Variants in SECISBP2L observed in about 807,000 individuals in gnomAD.
The protein encoded by SECISBP2L is selenocysteine insertion sequence-binding protein 2-like.
Under a neutral mutation model 114.7 loss-of-function variants are expected in SECISBP2L, and 43 were observed. The ratio of observed to expected loss-of-function variants is 0.38; its 90% confidence interval spans 0.29 to 0.48. The LOEUF is 0.48. SECISBP2L is among the 20% of genes least tolerant of loss of function. The pLI, the probability that SECISBP2L is intolerant of heterozygous loss-of-function variation, is 0.98. For missense variants in SECISBP2L, 1,136 were observed against 1,301.1 expected (o/e 0.87, Z 1.95); for synonymous variants, 451 against 439.7 (o/e 1.03, Z -0.32).
At chr15:49,042,620 C>T (rs1054877405) in intron 1 of SECISBP2L, 1 of 152,298 alleles carries the variant, frequency 6.6e-6, no homozygotes, top group Non-Finnish European at 1.5e-5. Context: ...GCTGGGACTA[C>T]AGGTGTACAC....
intron 6 of SECISBP2L, 27 bp downstream of exon 6, chr15:49,028,117 C>T: frequency 6.4e-7 from 1 of 1,565,008 alleles, no homozygotes; most frequent in Admixed American, 2.0e-5. Flanking sequence ...GAAAGTATAG[C>T]AAAAACACAA....
rs149731972 is a variant in SECISBP2L, at chr15:49,006,479, C to T, written c.2027+2737G>A. Among the ~76,000 whole-genome samples, 1,327 of 152,168 alleles carry T rather than the reference C, an allele frequency of 8.7e-3. 16 individuals are homozygous for T. The highest frequency in any genetic ancestry group is 0.017 in the Middle Eastern group (5 of 294). ...TATTTTTTCTCTAACCTTGTCTTCACGATTTATTTCATTAATTTGATCTTC... is the reference window on the plus strand; with the variant it reads ...TATTTTTTCTCTAACCTTGTCTTCATGATTTATTTCATTAATTTGATCTTC... On this transcript the variant is annotated intron_variant, in intron 14 of 17. Transcript: ENST00000559471.
chr15:49,013,318 G>A (rs1482775238), intron 11 of SECISBP2L, among the ~76,000 whole-genome samples: 2 of 143,984 alleles, frequency 1.4e-5, no homozygotes, highest in Non-Finnish European at 1.5e-5. Flanking sequence ...TTTATTTTGA[G>A]ATGGAGTCTA....
chr15:49,030,005 T>C (rs976076834), intron 4 of SECISBP2L, among the ~76,000 whole-genome samples: 1 of 151,174 alleles, frequency 6.6e-6, no homozygotes. Flanking sequence ...CTGAGTTGTA[T>C]TTCTTATTTA....
At position 49,012,611 on chromosome 15, in the gene SECISBP2L, T is replaced by C. The variant is rs1436307644; in HGVS notation, c.1731+37A>G. On this transcript the variant is annotated intron_variant, in intron 12 of 17. Coordinates refer to ENST00000559471, the MANE Select transcript of SECISBP2L (RefSeq NM_001193489.2). ...CAAAACAGATTAAAATCCTTATTCA[T>C]CCTATAAAATAAATATCCCACCAGA... 4 of 1,597,322 alleles carry C rather than the reference T, an allele frequency of 2.5e-6. No individual in the cohort carries two copies. In the African/African-American group the frequency reaches 5.4e-5, roughly 22 times the overall value.
rs1203053299 is a variant in SECISBP2L at position 48,992,504 on chromosome 15, T to C, written c.3046A>G (p.Arg1016Gly). 6.2e-7 allele frequency: 1 copy of C among 1,614,108 alleles called. No homozygotes were observed. Among genetic ancestry groups the C allele is most frequent in the Non-Finnish European group, 8.5e-7 (1 of 1,180,048 alleles). The change falls in exon 18 of 18, where the codon AGA becomes GGA. Residue 1016 changes from arginine (R) to glycine (G), a missense_variant. Coordinates refer to ENST00000559471, the MANE Select transcript of SECISBP2L (RefSeq NM_001193489.2). Reference protein sequence around the residue: ...PISVEVQLNSRIESWVSETQR... With the variant: ...PISVEVQLNSGIESWVSETQR... ...GTCTCTGAGACCCAAGACTCAATTC[T>C]ACTATTGAGCTGCACTTCTACAGAT...
Position 49,029,899 on chromosome 15 carries a change from C to CTT in SECISBP2L, c.665-1219_665-1218dup, listed in dbSNP as rs11426884. 4.1e-3 allele frequency among the ~76,000 whole-genome samples: 585 copies of CTT among 142,320 alleles called. 6 individuals are homozygous for CTT. The highest frequency in any genetic ancestry group is 0.029 in the East Asian group (145 of 4,936). The allele number at this position is 142,320 out of a possible 152,430, so 93.4% of individuals were successfully genotyped here. ...GTACCTGCTTAATAATGAGGCTGAT[C>CTT]TTTTTTTTTTTTTTACTTTTAGCCA... On this transcript the variant is annotated intron_variant, in intron 4 of 17. Coordinates refer to ENST00000559471, the MANE Select transcript of SECISBP2L (RefSeq NM_001193489.2).
intron 7 of SECISBP2L, among the ~76,000 whole-genome samples, chr15:49,025,032 T>A (rs941490806): frequency 6.6e-6 from 1 of 152,206 alleles, no homozygotes; most frequent in Non-Finnish European, 1.5e-5. Flanking sequence ...GTACTGAAAC[T>A]GTAAACATGG....
intron 14 of SECISBP2L, 133 bp from the exon 15 acceptor site, chr15:49,001,230 T>C (rs1296260437): frequency 3.3e-6 from 2 of 600,310 alleles, no homozygotes; most frequent in African/African-American, 1.9e-5. Context: ...CTTAAAGAAG[T>C]GTTTAAAACT....
At chr15:49,042,101 T>C (rs1230109049) in intron 1 of SECISBP2L, among the ~76,000 whole-genome samples, 1 of 152,218 alleles carries the variant, frequency 6.6e-6, no homozygotes, top group Non-Finnish European at 1.5e-5. Flanking sequence ...GTTACTTTTT[T>C]AAAAAACCAG....
intron 16 of SECISBP2L, among the ~76,000 whole-genome samples, chr15:48,997,799 G>A (rs865972554): frequency 2.6e-5 from 4 of 152,164 alleles, no homozygotes; most frequent in Non-Finnish European, 1.5e-5. Flanking sequence ...AAACCGGGAG[G>A]TGGAGGTTGT....
At chr15:49,012,611 T>A in intron 12 of SECISBP2L, 37 bp downstream of exon 12, 3 of 1,597,442 alleles carry the variant, frequency 1.9e-6, no homozygotes, top group Non-Finnish European at 2.6e-6. Context: ...TCCTTATTCA[T>A]CCTATAAAAT....
chr15:49,007,626 G>C (rs1304892843), intron 14 of SECISBP2L, among the ~76,000 whole-genome samples: 1 of 152,160 alleles, frequency 6.6e-6, no homozygotes, highest in Non-Finnish European at 1.5e-5. Flanking sequence ...AATTCCTAAG[G>C]ATATAAACCA....
chr15:49,000,365 C>T (rs895402728), intron 15 of SECISBP2L, among the ~76,000 whole-genome samples: 5 of 152,182 alleles, frequency 3.3e-5, no homozygotes, highest in African/African-American at 9.7e-5. Flanking sequence ...ATCGATTACA[C>T]ATTACTGGTC....
rs1902550513 is a variant in SECISBP2L, at chr15:49,017,025, C to A, written c.1252-10G>T. On this transcript the variant is annotated splice_polypyrimidine_tract_variant and intron_variant, in intron 9 of 17. Transcript: ENST00000559471. ...CAGGTAAATCATCCAACTATGATAA[C>A]CAGAAAAAACACATTTGTTAGTGAT... 2 of 1,604,170 alleles carry A rather than the reference C, an allele frequency of 1.2e-6. No individual in the cohort carries two copies. The highest frequency in any genetic ancestry group is 2.2e-5 in the East Asian group (1 of 44,716).
intron 17 of SECISBP2L, among the ~76,000 whole-genome samples, chr15:48,994,856 A>AC (rs1902056091): frequency 6.6e-6 from 1 of 151,876 alleles, no homozygotes; most frequent in South Asian, 2.1e-4. Flanking sequence ...AAAAAAAAAA[A>AC]AAACAGTCTA....
rs557594280 is a variant in SECISBP2L at position 48,992,774 on chromosome 15, T to C, written c.2776A>G (p.Thr926Ala). The change falls in exon 18 of 18, where the codon ACA becomes GCA. Residue 926 changes from threonine (T) to alanine (A), a missense_variant. By Grantham distance (58) the Thr-to-Ala change is moderately conservative. Transcript: ENST00000559471. Reference protein sequence around the residue: ...PIGKQPSLVATGSTTSATSAG... With the variant: ...PIGKQPSLVAAGSTTSATSAG... Reference sequence around the variant, plus strand: ...CTTGTAGCTGAGGTAGTACTGCCTGTAGCCACTAATGATGGCTGCTTACCA... The same window carrying C: ...CTTGTAGCTGAGGTAGTACTGCCTGCAGCCACTAATGATGGCTGCTTACCA... The C allele has an allele frequency of 3.1e-6, 5 of 1,614,216 alleles. No homozygotes were observed. Among genetic ancestry groups the C allele is most frequent in the South Asian group, 2.2e-5 (2 of 91,092 alleles).
chr15:49,035,486 A>T lies in SECISBP2L; in HGVS notation c.376T>A (p.Phe126Ile). ...AAGGTGTTGGAGTAAGGTGTAGGAA[A>T]AGGATGATAGAAACCCATAACCTGG... ...CAQVMGFYHP[F>I]PTPYSNTFQA... Residue 126 changes from phenylalanine (F) to isoleucine (I), a missense_variant, in exon 3 of 18, where the codon TTT becomes ATT. Phe to Ile is a conservative substitution (Grantham distance 21, BLOSUM62 0). Coordinates refer to ENST00000559471, the MANE Select transcript of SECISBP2L (RefSeq NM_001193489.2). The T allele has an allele frequency of 6.2e-7, 1 of 1,614,196 alleles. No individual in the cohort carries two copies. The highest frequency in any genetic ancestry group is 8.5e-7 in the Non-Finnish European group (1 of 1,180,010).
chr15:49,013,866 T>G (rs1216030372), intron 11 of SECISBP2L, among the ~76,000 whole-genome samples: 1 of 152,132 alleles, frequency 6.6e-6, no homozygotes, highest in Non-Finnish European at 1.5e-5. Context: ...TACCCTTGCA[T>G]CTTTCGAGTT....
Sources: allele counts gnomAD v4.1 joint callset (sites outside exome capture counted in the v4.1 genomes callset), GRCh38; gene constraint gnomAD v4.1.1; transcripts MANE v1.5; gene names NCBI Gene and HGNC (gene_info 2026-07-23, HGNC 2026-07-21).